Variants in CDK14 observed in about 807,000 individuals in gnomAD.
CDK14 encodes the protein cyclin-dependent kinase 14.
In CDK14, 34 loss-of-function variants were observed where a neutral mutation model predicts 60.7. The observed-to-expected ratio is 0.56, with a 90% CI of 0.43 to 0.75. The LOEUF is 0.75. CDK14 is among the 30% of genes least tolerant of loss of function. The pLI, the probability that CDK14 is intolerant of heterozygous loss-of-function variation, is 0.00. For missense variants in CDK14, 482 were observed against 564.1 expected (o/e 0.85, Z 1.47); for synonymous variants, 197 against 203.7 (o/e 0.97, Z 0.28).
At chr7:91,115,998 G>A (rs964394997) in intron 13 of CDK14, among the ~76,000 whole-genome samples, 7 of 152,150 alleles carry the variant, frequency 4.6e-5, no homozygotes, top group African/African-American at 7.2e-5. Flanking sequence ...GTTAAAGCTG[G>A]CTAATTCTGG....
At chr7:90,975,065 A>G (rs906992701) in intron 9 of CDK14, among the ~76,000 whole-genome samples, 8 of 152,194 alleles carry the variant, frequency 5.3e-5, no homozygotes, top group Admixed American at 1.3e-4. Context: ...TTGCAGTTGT[A>G]GAAAGTATCA....
At chr7:90,954,988 T>C (rs1216727830) in intron 8 of CDK14, among the ~76,000 whole-genome samples, 1 of 151,896 alleles carries the variant, frequency 6.6e-6, no homozygotes, top group Admixed American at 6.6e-5. Flanking sequence ...CATGAGTATT[T>C]ATGGTTATGA....
chr7:90,935,601 C>G (rs1164374327), intron 8 of CDK14, among the ~76,000 whole-genome samples: 4 of 151,984 alleles, frequency 2.6e-5, no homozygotes, highest in African/African-American at 7.3e-5. Context: ...GCATGTATAC[C>G]TATCTTTACA....
chr7:90,881,396 GA>G (rs1180237443), intron 6 of CDK14, among the ~76,000 whole-genome samples: 2 of 151,266 alleles, frequency 1.3e-5, no homozygotes, highest in African/African-American at 2.4e-5. Flanking sequence ...CAAGAATAGA[GA>G]AAAAAAATGA....
chr7:90,621,831 G>A (rs1167963545), intron 2 of CDK14, among the ~76,000 whole-genome samples: 2 of 152,114 alleles, frequency 1.3e-5, no homozygotes, highest in Non-Finnish European at 1.5e-5. Context: ...TTTACAGATG[G>A]GGAAACGGAA....
chr7:91,196,086 A>G (rs1802529681), intron 14 of CDK14, among the ~76,000 whole-genome samples: 1 of 152,106 alleles, frequency 6.6e-6, no homozygotes. Context: ...TAGCACTTGT[A>G]TTTTCCATGT....
intron 2 of CDK14, among the ~76,000 whole-genome samples, chr7:90,677,782 A>G (rs1347639248): frequency 6.6e-6 from 1 of 152,130 alleles, no homozygotes; most frequent in East Asian, 1.9e-4. Context: ...TTTTAGTGAC[A>G]TTTACGAATC....
chr7:90,676,958 T>TTTA (rs398111578), intron 2 of CDK14, among the ~76,000 whole-genome samples: 1 of 151,938 alleles, frequency 6.6e-6, no homozygotes, highest in Non-Finnish European at 1.5e-5. Context: ...TTTTTTTTTT[T>TTTA]ATGTGTTTGG....
At chr7:91,137,483 T>C (rs1308722543) in intron 14 of CDK14, among the ~76,000 whole-genome samples, 3 of 152,162 alleles carry the variant, frequency 2.0e-5, no homozygotes, top group Non-Finnish European at 4.4e-5. Context: ...AAAAGTAATA[T>C]GTAGGCTCCA....
At chr7:91,113,348 A>C (rs749315990) in intron 13 of CDK14, among the ~76,000 whole-genome samples, 4 of 152,226 alleles carry the variant, frequency 2.6e-5, no homozygotes, top group Admixed American at 6.5e-5. Flanking sequence ...TTTAAAACAC[A>C]TTCCTGGGTG....
chr7:90,992,720 G>A (rs2115699906), intron 10 of CDK14, among the ~76,000 whole-genome samples: 1 of 152,282 alleles, frequency 6.6e-6, no homozygotes, highest in South Asian at 2.1e-4. Context: ...AATGATAATA[G>A]TATTAAATGA....
At chr7:91,178,396 C>T (rs1801857026) in intron 14 of CDK14, among the ~76,000 whole-genome samples, 1 of 136,158 alleles carries the variant, frequency 7.3e-6, no homozygotes, top group South Asian at 2.6e-4. Context: ...AGGACATAGG[C>T]ATGGGCAAGG....
intron 5 of CDK14, among the ~76,000 whole-genome samples, chr7:90,816,602 G>A (rs191288113): frequency 4.6e-5 from 7 of 152,288 alleles, no homozygotes; most frequent in African/African-American, 1.7e-4. Flanking sequence ...GGAAAGAGGA[G>A]ATATAACAAG....
At chr7:90,609,078 G>A (rs553366208) in intron 2 of CDK14, among the ~76,000 whole-genome samples, 1 of 152,162 alleles carries the variant, frequency 6.6e-6, no homozygotes, top group East Asian at 1.9e-4. Context: ...CCAGTTTGGA[G>A]TACAGTGGTG....
intron 9 of CDK14, among the ~76,000 whole-genome samples, chr7:90,973,753 G>A (rs1376426829): frequency 6.6e-6 from 1 of 152,010 alleles, no homozygotes; most frequent in African/African-American, 2.4e-5. Context: ...TGAAAGGAGA[G>A]GGGGTGTACT....
intron 3 of CDK14, among the ~76,000 whole-genome samples, chr7:90,728,568 G>C (rs886412310): frequency 6.6e-6 from 1 of 151,872 alleles, no homozygotes; most frequent in Non-Finnish European, 1.5e-5. Flanking sequence ...CACTTCATAT[G>C]TTTCTGAGGA....
rs988132780 is a variant in CDK14, at chr7:91,208,812, C to A, written c.*1676C>A. 4 of 152,668 alleles carry A rather than the reference C, an allele frequency of 2.6e-5. No homozygotes were observed. Among genetic ancestry groups the A allele is most frequent in the Non-Finnish European group, 4.4e-5 (3 of 68,012 alleles). 9.5% of individuals were successfully genotyped at this position (152,668 alleles called of 1,614,324 possible). On this transcript the variant is annotated 3_prime_UTR_variant, in exon 15 of 15. Transcript: ENST00000380050. ...ATGTCAAAGTCATAGTTCATCCTATCCAGATGTAGCATTCATGGTAAACTT... is the reference window on the plus strand; with the variant it reads ...ATGTCAAAGTCATAGTTCATCCTATACAGATGTAGCATTCATGGTAAACTT...
intron 13 of CDK14, 45 bp from the exon 14 acceptor site, chr7:91,118,020 A>C: frequency 9.1e-7 from 1 of 1,098,300 alleles, no homozygotes; most frequent in South Asian, 1.5e-5. Context: ...CATGATTATA[A>C]ATATCTATAA....
At chr7:91,058,483 C>A (rs1797660238) in intron 11 of CDK14, among the ~76,000 whole-genome samples, 1 of 152,102 alleles carries the variant, frequency 6.6e-6, no homozygotes, top group Non-Finnish European at 1.5e-5. Context: ...CTGTCTTGTG[C>A]CAGTTTTCAA....
Sources: gnomAD v4.1 joint callset for allele counts (sites outside exome capture counted in the v4.1 genomes callset) on GRCh38, gnomAD v4.1.1 for gene constraint, MANE v1.5 for transcripts, NCBI Gene and HGNC (gene_info 2026-07-23, HGNC 2026-07-21) for gene names.